CFAP20DC: variants seen among roughly 807,000 people sequenced by gnomAD.
CFAP20DC encodes the protein CFAP20 domain containing.
CFAP20DC carries 84 observed loss-of-function variants against 101.7 expected under a neutral mutation model. That is an observed-to-expected ratio of 0.83 (90% CI 0.69 to 0.99). The LOEUF (loss-of-function observed/expected upper bound fraction) is 0.99, where lower values mean the gene tolerates loss of function less well. CFAP20DC is among the 50% of genes least tolerant of loss of function. The probability of loss-of-function intolerance (pLI) is 0.00; values close to 1 mark genes in which losing one functional copy is unlikely to be tolerated. For missense variants in CFAP20DC, 1,007 were observed against 970.3 expected, an observed-to-expected ratio of 1.04 and a Z score of -0.50; for synonymous variants, 359 against 351.2, an observed-to-expected ratio of 1.02 and a Z score of -0.25.
At chr3:58,828,853 GA>G (rs1559661611) in intron 14 of CFAP20DC, among the ~76,000 whole-genome samples, 1 of 151,820 alleles carries the variant, frequency 6.6e-6, no homozygotes, top group Non-Finnish European at 1.5e-5. Context: ...GGGGAAAAAA[GA>G]AAAAAGGAAA....
chr3:58,760,005 C>G (rs1377904855), intron 15 of CFAP20DC, among the ~76,000 whole-genome samples: 1 of 152,184 alleles, frequency 6.6e-6, no homozygotes, highest in African/African-American at 2.4e-5. Flanking sequence ...TTAGGATTGA[C>G]TTGGCAATGC....
intron 4 of CFAP20DC, among the ~76,000 whole-genome samples, chr3:58,962,151 AG>A (rs1279836014): frequency 5.3e-5 from 8 of 152,272 alleles, no homozygotes; most frequent in African/African-American, 1.7e-4. Context: ...ATGAATTTAC[AG>A]CTCCAAGTTT....
At chr3:58,933,013 T>C (rs1220896144) in intron 5 of CFAP20DC, among the ~76,000 whole-genome samples, 1 of 152,148 alleles carries the variant, frequency 6.6e-6, no homozygotes, top group Non-Finnish European at 1.5e-5. Flanking sequence ...CAGTGTGCTA[T>C]ATTCAGGAAA....
chr3:58,961,241 A>G (rs1039714639), intron 4 of CFAP20DC, among the ~76,000 whole-genome samples: 1 of 152,230 alleles, frequency 6.6e-6, no homozygotes. Context: ...TCAGGATAAT[A>G]GCGGTCTCAT....
intron 6 of CFAP20DC, among the ~76,000 whole-genome samples, chr3:58,911,627 C>A (rs981494797): frequency 1.3e-5 from 2 of 151,984 alleles, no homozygotes; most frequent in African/African-American, 4.8e-5. Context: ...TTATAATACA[C>A]CTCAATTAAA....
chr3:59,008,065 G>C (rs1383333913), intron 4 of CFAP20DC, among the ~76,000 whole-genome samples: 1 of 152,128 alleles, frequency 6.6e-6, no homozygotes, highest in African/African-American at 2.4e-5. Flanking sequence ...TTCCCCAACA[G>C]AAACACTGGA....
intron 14 of CFAP20DC, among the ~76,000 whole-genome samples, chr3:58,825,683 C>T (rs553811263): frequency 2.0e-5 from 3 of 152,268 alleles, no homozygotes; most frequent in African/African-American, 4.8e-5. Flanking sequence ...ATAAATCTCA[C>T]GAGGGCTACT....
rs138011911 is a variant in CFAP20DC at position 58,869,767 on chromosome 3, TA to T, written c.853-278del. Among the ~76,000 whole-genome samples, 1 of 152,112 alleles carries T rather than the reference TA, an allele frequency of 6.6e-6. No individual in the cohort carries two copies. The highest frequency in any genetic ancestry group is 1.5e-5 in the Non-Finnish European group (1 of 68,030). ...CATCTTCAGTAGGTAGAAGCCGAATTAAAAATCACGCGTATGTCAGAAATTC... is the reference window on the plus strand; with the variant it reads ...CATCTTCAGTAGGTAGAAGCCGAATTAAAATCACGCGTATGTCAGAAATTC... On this transcript the variant is annotated intron_variant, in intron 8 of 16. Coordinates refer to ENST00000482387, the MANE Select transcript of CFAP20DC (RefSeq NM_001394063.1). The surrounding 1 kb of genome is among the most constrained non-coding windows in gnomAD (Gnocchi z 4.3).
chr3:58,937,580 A>T (rs1576393521), intron 5 of CFAP20DC, 68 bp downstream of exon 5: 2 of 943,364 alleles, frequency 2.1e-6, no homozygotes, highest in Non-Finnish European at 3.5e-6. Flanking sequence ...TCACATATGG[A>T]GTCAGCCCAT....
chr3:58,808,120 A>T (rs1430026778), intron 14 of CFAP20DC, among the ~76,000 whole-genome samples: 1 of 152,250 alleles, frequency 6.6e-6, no homozygotes, highest in Non-Finnish European at 1.5e-5. Context: ...GGAGAATGGA[A>T]CCAAGTTGGA....
chr3:58,933,904 C>A (rs925911711), intron 5 of CFAP20DC, among the ~76,000 whole-genome samples: 1 of 151,396 alleles, frequency 6.6e-6, no homozygotes, highest in African/African-American at 2.4e-5. Flanking sequence ...TAGCAGAAGG[C>A]GAGAAATAAC....
At chr3:58,737,681 T>C (rs1194757791), downstream of CFAP20DC, among the ~76,000 whole-genome samples, 8 of 152,188 alleles carry the variant, frequency 5.3e-5, no homozygotes. This position sits in a 1 kb window ranked among gnomAD's most constrained non-coding sequence, Gnocchi z 4.1. Context: ...TCCCACTGCA[T>C]TTATTAACAT....
intron 6 of CFAP20DC, among the ~76,000 whole-genome samples, chr3:58,905,272 A>G (rs2083484895): frequency 6.6e-6 from 1 of 152,112 alleles, no homozygotes. Flanking sequence ...TTAACAATCT[A>G]CACAGATATT....
At position 58,899,115 on chromosome 3, in the gene CFAP20DC, G is replaced by A. The variant is rs1012416719; in HGVS notation, c.551-14406C>T. Among the ~76,000 whole-genome samples, 4 of 152,192 alleles carry A rather than the reference G, an allele frequency of 2.6e-5. No individual in the cohort carries two copies. The highest frequency in any genetic ancestry group is 9.6e-5 in the African/African-American group (4 of 41,454). On this transcript the variant is annotated intron_variant, in intron 6 of 16. Coordinates refer to ENST00000482387, the MANE Select transcript of CFAP20DC (RefSeq NM_001394063.1). The surrounding 1 kb of genome is among the most constrained non-coding windows in gnomAD (Gnocchi z 5.0). ...CCTGTTGCCAGCCTGAACTGCACCT[G>A]TAGGAGGAGGCTGGAGACCCCTGTT...
intron 2 of CFAP20DC, 127 bp from the exon 3 acceptor site, chr3:59,046,449 G>A: frequency 1.6e-6 from 1 of 638,682 alleles, no homozygotes; most frequent in Middle Eastern, 4.2e-4. Flanking sequence ...GCAGGCTCAG[G>A]CCTTAGTACT....
chr3:58,813,085 G>A (rs1057191059), intron 14 of CFAP20DC, among the ~76,000 whole-genome samples: 1 of 151,808 alleles, frequency 6.6e-6, no homozygotes, highest in African/African-American at 2.4e-5. Context: ...AATTACACAT[G>A]TAAATCTTAG....
chr3:58,895,677 C>G (rs1225460598), intron 6 of CFAP20DC, among the ~76,000 whole-genome samples: 3 of 152,142 alleles, frequency 2.0e-5, no homozygotes, highest in Admixed American at 2.0e-4. Context: ...AGCAGTGCCC[C>G]AACTCTATTG....
At position 58,861,709 on chromosome 3, in the gene CFAP20DC, C is replaced by G; in HGVS notation, c.1593+1849G>C. On this transcript the variant is annotated intron_variant, in intron 12 of 16. Transcript: ENST00000482387. This position sits in a 1 kb window ranked among gnomAD's most constrained non-coding sequence, Gnocchi z 4.0. ...AATGTGGCAGGTGTTTCCCCTCTCTCTGGCTGCCACTCTTAGTAGGCTCTG... is the reference window on the plus strand; with the variant it reads ...AATGTGGCAGGTGTTTCCCCTCTCTGTGGCTGCCACTCTTAGTAGGCTCTG... The G allele has an allele frequency of 1.0e-6, 1 of 985,408 alleles. No individual in the cohort carries two copies. The highest frequency in any genetic ancestry group is 1.2e-6 in the Non-Finnish European group (1 of 829,930). The allele number at this position is 985,408 out of a possible 1,614,324, so 61.0% of individuals were successfully genotyped here. A position where few individuals can be genotyped will look rare whatever the true frequency, so the allele number is the denominator to read the frequency against.
intron 3 of CFAP20DC, among the ~76,000 whole-genome samples, chr3:59,044,684 A>G (rs1480992094): frequency 6.6e-6 from 1 of 152,128 alleles, no homozygotes; most frequent in Non-Finnish European, 1.5e-5. Flanking sequence ...GGTTACTAAA[A>G]GTGATTGATT....
Sources: allele counts gnomAD v4.1 joint callset (sites outside exome capture counted in the v4.1 genomes callset), GRCh38; gene constraint gnomAD v4.1.1; non-coding constraint Gnocchi (gnomAD v3.1); transcripts MANE v1.5; gene names NCBI Gene and HGNC (gene_info 2026-07-23, HGNC 2026-07-21).